ARHGAP25: variants seen among roughly 807,000 people sequenced by gnomAD.
ARHGAP25 encodes Rho GTPase activating protein 25, also known as rho GTPase-activating protein 25.
In ARHGAP25, 34 loss-of-function variants were observed where a neutral mutation model predicts 71.0. The ratio of observed to expected loss-of-function variants is 0.48; its 90% CI spans 0.36 to 0.64. ARHGAP25 has a LOEUF of 0.64. Among genes scored for constraint, ARHGAP25 ranks in the 30% least tolerant of loss-of-function variants. The pLI, the probability that ARHGAP25 is intolerant of heterozygous loss-of-function variation, is 0.00. For synonymous variants in ARHGAP25, 282 were observed against 296.5 expected, an observed-to-expected ratio of 0.95 and a Z score of 0.50; for missense variants, 706 against 805.1, an observed-to-expected ratio of 0.88 and a Z score of 1.49.
chr2:68,751,461 C>G (rs1676171414), intron 1 of ARHGAP25, among the ~76,000 whole-genome samples: 1 of 152,234 alleles, frequency 6.6e-6, no homozygotes, highest in African/African-American at 2.4e-5. Flanking sequence ...ACAGTTAAGA[C>G]TCTTACTATC....
At chr2:68,757,160 C>CCGGGCGCGGTGGCTCA (rs1676532897) in intron 1 of ARHGAP25, among the ~76,000 whole-genome samples, 1 of 151,852 alleles carries the variant, frequency 6.6e-6, no homozygotes, top group South Asian at 2.1e-4. Context: ...GTGATCAGAG[C>CCGGGCGCGGTGGCTCA]CTAAGAGACA....
chr2:68,759,717 G>A (rs558025581), intron 1 of ARHGAP25, among the ~76,000 whole-genome samples: 9 of 151,894 alleles, frequency 5.9e-5, no homozygotes, highest in Non-Finnish European at 1.2e-4. Flanking sequence ...AAAAACAAGG[G>A]AAACTTCCTA....
At chr2:68,748,283 A>G (rs946998495) in intron 1 of ARHGAP25, among the ~76,000 whole-genome samples, 1 of 152,088 alleles carries the variant, frequency 6.6e-6, no homozygotes, top group Non-Finnish European at 1.5e-5. Flanking sequence ...CCTCCACTCC[A>G]TCCAGTTTTA....
At chr2:68,725,314 A>G (rs1270700140) in intron 2 of ARHGAP25, among the ~76,000 whole-genome samples, 2 of 151,956 alleles carry the variant, frequency 1.3e-5, no homozygotes, top group African/African-American at 2.4e-5. Context: ...ATCTTTTATT[A>G]TTTTATTATA....
rs577994267 is a variant in ARHGAP25 at position 68,713,428 on chromosome 2, A to G, written c.-18+2730A>G. On this transcript the variant is annotated intron_variant and NMD_transcript_variant, in intron 2 of 7. Coordinates refer to the ARHGAP25 transcript ENST00000463483. ...GCTGAGACGATGGGGTTTTCTAAAT[A>G]TACAATCATGTCATTTGCAAACAGA... Among the ~76,000 whole-genome samples, 69 of 152,348 alleles carry G rather than the reference A, an allele frequency of 4.5e-4. 1 individual carries two copies. The highest frequency in any genetic ancestry group is 1.6e-3 in the African/African-American group (67 of 41,576).
chr2:68,722,175 G>A (rs1240564064), intron 2 of ARHGAP25, among the ~76,000 whole-genome samples: 3 of 152,232 alleles, frequency 2.0e-5, no homozygotes, highest in Admixed American at 6.5e-5. Flanking sequence ...AGGTCTCTCA[G>A]CACACTTTAA....
At chr2:68,773,760 TGAA>T (rs897342806) in intron 1 of ARHGAP25, among the ~76,000 whole-genome samples, 1 of 152,154 alleles carries the variant, frequency 6.6e-6, no homozygotes, top group African/African-American at 2.4e-5. Context: ...AGAGGGAAGT[TGAA>T]GAAGCTCTCA....
intron 9 of ARHGAP25, chr2:68,819,693 G>A (rs1412858705): frequency 1.9e-6 from 1 of 539,830 alleles, no homozygotes; most frequent in East Asian, 2.9e-5. Flanking sequence ...AACGTCCAGA[G>A]AAAACTGGTT....
At chr2:68,732,419 G>A (rs1007299243), upstream of ARHGAP25, among the ~76,000 whole-genome samples, 3 of 152,174 alleles carry the variant, frequency 2.0e-5, no homozygotes, top group East Asian at 1.9e-4. Context: ...GAATTCCCCC[G>A]TGGAGATGCT....
intron 8 of ARHGAP25, among the ~76,000 whole-genome samples, chr2:68,818,728 A>G (rs888794421): frequency 1.3e-5 from 2 of 152,250 alleles, no homozygotes; most frequent in Non-Finnish European, 2.9e-5. Flanking sequence ...GATATCTGCC[A>G]TGGGCATGGG....
intron 1 of ARHGAP25, among the ~76,000 whole-genome samples, chr2:68,736,921 A>C (rs1358486364): frequency 6.6e-6 from 1 of 152,132 alleles, no homozygotes; most frequent in Non-Finnish European, 1.5e-5. Flanking sequence ...TAGCCCCAGC[A>C]GACAGTTTTC....
intron 1 of ARHGAP25, among the ~76,000 whole-genome samples, chr2:68,742,721 C>G (rs1392352539): frequency 3.3e-5 from 5 of 152,160 alleles, no homozygotes; most frequent in Non-Finnish European, 5.9e-5. Context: ...TTTTGTTTGT[C>G]TTGATTAGGT....
Position 68,796,680 on chromosome 2 carries a change from A to C in ARHGAP25, c.466+8724A>C, listed in dbSNP as rs547589708. On this transcript the variant is annotated intron_variant, in intron 4 of 10. Coordinates refer to ENST00000409202, the MANE Select transcript of ARHGAP25 (RefSeq NM_001007231.3). ...GTTATTGGTTACTTTTTCAGGTTTCAGTGGTAGCAGTGGTGGGCCAAGTGT... is the reference window on the plus strand; with the variant it reads ...GTTATTGGTTACTTTTTCAGGTTTCCGTGGTAGCAGTGGTGGGCCAAGTGT... 2.0e-3 allele frequency among the ~76,000 whole-genome samples: 299 copies of C among 152,242 alleles called. 2 individuals carry two copies. Among genetic ancestry groups the C allele is most frequent in the Non-Finnish European group, 3.4e-3 (231 of 68,018 alleles).
rs116774520 is a variant in ARHGAP25, at chr2:68,822,884, A to G, written c.1733+12A>G. 988 of 1,594,632 alleles carry G rather than the reference A, an allele frequency of 6.2e-4. 8 individuals carry two copies. In the African/African-American group the frequency reaches 0.01, roughly 16 times the overall value. On this transcript the variant is annotated intron_variant, in intron 10 of 10. Coordinates refer to ENST00000409202, the MANE Select transcript of ARHGAP25 (RefSeq NM_001007231.3). ...GAACAGATTAAAAAGTAAGTCAGACAGAGGGGCACTGAGAGGCACTTGGCT... is the reference window on the plus strand; with the variant it reads ...GAACAGATTAAAAAGTAAGTCAGACGGAGGGGCACTGAGAGGCACTTGGCT...
intron 5 of ARHGAP25, among the ~76,000 whole-genome samples, chr2:68,811,644 GGGGAA>G (rs1680834818): frequency 3.6e-5 from 1 of 27,978 alleles, no homozygotes; most frequent in African/African-American, 1.1e-4. Flanking sequence ...AGGCTGCAAA[GGGGAA>G]GCCTTTTCAG....
intron 4 of ARHGAP25, among the ~76,000 whole-genome samples, chr2:68,798,491 T>A: frequency 6.9e-6 from 1 of 144,618 alleles, no homozygotes. Flanking sequence ...GGCACAACAG[T>A]GAGAAAGAGA....
At position 68,767,903 on chromosome 2, in the gene ARHGAP25, T is replaced by A. The variant is rs991666731; in HGVS notation, c.62-7318T>A. Among the ~76,000 whole-genome samples, 4 of 152,098 alleles carry A rather than the reference T, an allele frequency of 2.6e-5. No homozygotes were observed. Among genetic ancestry groups the A allele is most frequent in the Admixed American group, 6.6e-5 (1 of 15,266 alleles). On this transcript the variant is annotated intron_variant, in intron 1 of 10. Transcript: ENST00000409202. This position sits in a 1 kb window ranked among gnomAD's most constrained non-coding sequence, Gnocchi z 4.6. ...TGAGGCAGCTGCTTCACATGATAGG[T>A]TAGGAGTAGTGGCTTTGTTCCCAGC...
At chr2:68,819,100 G>T (rs1573633017) in intron 8 of ARHGAP25, 23 bp from the exon 9 acceptor site, 1 of 1,525,560 alleles carries the variant, frequency 6.6e-7, no homozygotes, top group Non-Finnish European at 8.8e-7. Flanking sequence ...CTACACAACA[G>T]ATCTTTTTCT....
chr2:68,780,969 C>T (rs953088810), intron 2 of ARHGAP25, among the ~76,000 whole-genome samples: 5 of 152,204 alleles, frequency 3.3e-5, no homozygotes, highest in African/African-American at 4.8e-5. Flanking sequence ...AGATCCAGTG[C>T]GCACTAACGA....
Sources: allele counts gnomAD v4.1 joint callset (sites outside exome capture counted in the v4.1 genomes callset), GRCh38; gene constraint gnomAD v4.1.1; non-coding constraint Gnocchi (gnomAD v3.1); transcripts MANE v1.5; gene names NCBI Gene and HGNC (gene_info 2026-07-23, HGNC 2026-07-21).